Variants in LHX9 observed in about 807,000 individuals in gnomAD.
The protein encoded by LHX9 is LIM homeobox 9, also known as LIM/homeobox protein Lhx9.
Under a neutral mutation model 36.5 loss-of-function variants are expected in LHX9, and 9 were observed. The ratio of observed to expected loss-of-function variants is 0.25; its 90% CI spans 0.15 to 0.43. The LOEUF is 0.43. Among genes scored for constraint, LHX9 ranks in the 20% least tolerant of loss-of-function variants. The probability of loss-of-function intolerance (pLI) is 1.00; values close to 1 mark genes in which losing one functional copy is unlikely to be tolerated. For synonymous variants in LHX9, 211 were observed against 212.1 expected (o/e 0.99, Z 0.04); for missense variants, 464 against 526.4 (o/e 0.88, Z 1.16).
chr1:197,912,704 C>T, upstream of LHX9: 1 of 850,276 alleles, frequency 1.2e-6, no homozygotes, highest in Non-Finnish European at 2.0e-6. Flanking sequence ...AACCGCGCTT[C>T]GTAGGCTCAA....
At chr1:197,918,327 G>T in intron 1 of LHX9, 1 of 717,460 alleles carries the variant, frequency 1.4e-6, no homozygotes, top group Non-Finnish European at 2.6e-6. Context: ...CGTCTCCCCG[G>T]CGAGGATCCG....
At chr1:197,927,204 TGTGA>T (rs1660170914) in intron 3 of LHX9, among the ~76,000 whole-genome samples, 1 of 152,066 alleles carries the variant, frequency 6.6e-6, no homozygotes, top group Non-Finnish European at 1.5e-5. Flanking sequence ...CTTAAAACAC[TGTGA>T]GTGTGGGCAG....
In LHX9 at chr1:197,934,219, C is replaced by T. The variant is rs1052864322; in HGVS notation, c.*4960C>T. On this transcript the variant is annotated 3_prime_UTR_variant, in exon 5 of 5. Coordinates refer to ENST00000367387, the MANE Select transcript of LHX9 (RefSeq NM_020204.3). Reference sequence around the variant, plus strand: ...CAAAATCCCAGTGGAATCTACCACACATTCTTTTATAATAACCCTTTTTTG... The same window carrying T: ...CAAAATCCCAGTGGAATCTACCACATATTCTTTTATAATAACCCTTTTTTG... The T allele has an allele frequency of 6.6e-6, 1 of 151,802 alleles. No individual in the cohort carries two copies. The highest frequency in any genetic ancestry group is 2.4e-5 in the African/African-American group (1 of 41,416). 9.4% of individuals were successfully genotyped at this position (151,802 alleles called of 1,614,324 possible).
At chr1:197,915,906 T>C (rs902077403), upstream of LHX9, 63 of 152,328 alleles carry the variant, frequency 4.1e-4, no homozygotes, top group African/African-American at 1.5e-3. Flanking sequence ...TCTCCCGTCA[T>C]CTTTCTAGCT....
chr1:197,919,952 G>A lies in LHX9; in HGVS notation c.175-20G>A. On this transcript the variant is annotated intron_variant, in intron 1 of 4. Coordinates refer to ENST00000367387, the MANE Select transcript of LHX9 (RefSeq NM_020204.3). ...TACACCGCGCGCCCTCCTCAGCCTTGCGGTGTGCTTTCTTTGCAGGGCATG... is the reference window on the plus strand; with the variant it reads ...TACACCGCGCGCCCTCCTCAGCCTTACGGTGTGCTTTCTTTGCAGGGCATG... 6.2e-7 allele frequency: 1 copy of A among 1,612,874 alleles called. No homozygotes were observed. The highest frequency in any genetic ancestry group is 8.5e-7 in the Non-Finnish European group (1 of 1,179,626).
Position 197,932,097 on chromosome 1 carries a change from A to C in LHX9, c.*2838A>C. On this transcript the variant is annotated 3_prime_UTR_variant, in exon 5 of 5. Coordinates refer to ENST00000367387, the MANE Select transcript of LHX9 (RefSeq NM_020204.3). ...AAGCCAAAAAAAAAGAGAGAGAGAG[A>C]GACTTAAATGTCATTTACTGAATGT... 1 of 678,312 alleles carries C rather than the reference A, an allele frequency of 1.5e-6. No homozygotes were observed. The highest frequency in any genetic ancestry group is 2.3e-5 in the South Asian group (1 of 43,332). 42.0% of individuals were successfully genotyped at this position (678,312 alleles called of 1,614,324 possible).
Position 197,921,251 on chromosome 1 carries a change from A to C in LHX9, c.378-53A>C. 1 of 1,506,020 alleles carries C rather than the reference A, an allele frequency of 6.6e-7. No individual in the cohort carries two copies. Among genetic ancestry groups the C allele is most frequent in the Admixed American group, 1.7e-5 (1 of 57,208 alleles). 93.3% of individuals were successfully genotyped at this position (1,506,020 alleles called of 1,614,324 possible). ...ACCAAACCCAGGTGTCGCGGGTGGG[A>C]TATGGCTCTGCCTTGCTTCAACTAG... On this transcript the variant is annotated intron_variant, in intron 2 of 4. Coordinates refer to ENST00000367387, the MANE Select transcript of LHX9 (RefSeq NM_020204.3). This position sits in a 1 kb window ranked among gnomAD's most constrained non-coding sequence, Gnocchi z 4.6.
At chr1:197,912,901 G>A (rs892856101), upstream of LHX9, 2 of 362,816 alleles carry the variant, frequency 5.5e-6, no homozygotes, top group African/African-American at 4.3e-5. Flanking sequence ...GGGAGCTGCT[G>A]GGGGTGTCTC....
chr1:197,931,143 ATT>A lies in LHX9; in HGVS notation c.*1885_*1886del, dbSNP rs1343932099. On this transcript the variant is annotated 3_prime_UTR_variant, in exon 5 of 5. Transcript: ENST00000367387. ...TCAGGATATATGTGTTGTTTGTTAA[ATT>A]AACTGTTTTAAGCCCTTTTAACACC... 6.6e-6 allele frequency: 1 copy of A among 151,992 alleles called. No homozygotes were observed. Among genetic ancestry groups the A allele is most frequent in the African/African-American group, 2.4e-5 (1 of 41,446 alleles). The allele number at this position is 151,992 out of a possible 1,614,324, so 9.4% of individuals were successfully genotyped here.
At position 197,930,224 on chromosome 1, in the gene LHX9, C is replaced by G. The variant is rs1405288691; in HGVS notation, c.*965C>G. The G allele has an allele frequency of 1.7e-5, 4 of 240,678 alleles. No homozygotes were observed. The highest frequency in any genetic ancestry group is 2.3e-5 in the African/African-American group (1 of 42,932). The allele number at this position is 240,678 out of a possible 1,614,324, so 14.9% of individuals were successfully genotyped here. On this transcript the variant is annotated 3_prime_UTR_variant, in exon 5 of 5. Coordinates refer to ENST00000367387, the MANE Select transcript of LHX9 (RefSeq NM_020204.3). ...TCTATATGAATAATGTTTAAAATAC[C>G]CAGCCTGGTAGACTTATACCAACAA...
At position 197,934,966 on chromosome 1, in the gene LHX9, T is replaced by A. The variant is rs543595011; in HGVS notation, c.*5707T>A. The A allele has an allele frequency of 1.3e-5, 2 of 152,274 alleles. No individual in the cohort carries two copies. Among genetic ancestry groups the A allele is most frequent in the Non-Finnish European group, 2.9e-5 (2 of 68,010 alleles). 9.4% of individuals were successfully genotyped at this position (152,274 alleles called of 1,614,324 possible). On this transcript the variant is annotated 3_prime_UTR_variant, in exon 5 of 5. Transcript: ENST00000367387. ...TTCCGTTTTATTTTATGAGGTTCCC[T>A]GGCAGTTGGGGGGGTGGTGAGGTTG...
chr1:197,927,481 C>A, intron 3 of LHX9, 110 bp from the exon 4 acceptor site: 1 of 915,820 alleles, frequency 1.1e-6, no homozygotes, highest in Non-Finnish European at 1.8e-6. Context: ...GGGTTGACAA[C>A]CTTTTTCACT....
At position 197,927,580 on chromosome 1, in the gene LHX9, T is replaced by G. The variant is rs750446189; in HGVS notation, c.734-11T>G. 6.2e-7 allele frequency: 1 copy of G among 1,612,948 alleles called. No individual in the cohort carries two copies. Among genetic ancestry groups the G allele is most frequent in the Non-Finnish European group, 8.5e-7 (1 of 1,179,018 alleles). ...CACTGAGCAGTTGTTTGTTCACTGTTACTGCAACAGGTTGTAATGAGAATG... is the reference window on the plus strand; with the variant it reads ...CACTGAGCAGTTGTTTGTTCACTGTGACTGCAACAGGTTGTAATGAGAATG... On this transcript the variant is annotated splice_polypyrimidine_tract_variant and intron_variant, in intron 3 of 4. Coordinates refer to ENST00000367387, the MANE Select transcript of LHX9 (RefSeq NM_020204.3).
intron 2 of LHX9, 23 bp downstream of exon 2, chr1:197,920,197 C>T (rs1266898778): frequency 1.2e-6 from 2 of 1,610,390 alleles, no homozygotes; most frequent in Non-Finnish European, 8.5e-7. Context: ...ACCCCCACTT[C>T]CTACGCCCGA....
At position 197,929,582 on chromosome 1, in the gene LHX9, C is replaced by A. The variant is rs1315655428; in HGVS notation, c.*323C>A. 1.1e-6 allele frequency: 1 copy of A among 938,686 alleles called. No homozygotes were observed. The highest frequency in any genetic ancestry group is 1.1e-4 in the East Asian group (1 of 8,936). 58.1% of individuals were successfully genotyped at this position (938,686 alleles called of 1,614,324 possible). On this transcript the variant is annotated 3_prime_UTR_variant, in exon 5 of 5. Transcript: ENST00000367387. ...ATTGTATGTTACTTATTTCCAGAAT[C>A]TCGAAGAAAAAAGAAAAAAGAGTGG... is the stretch of plus-strand genomic sequence containing the variant.
At chr1:197,917,230 G>T (rs1426616993), upstream of LHX9, 2 of 1,195,536 alleles carry the variant, frequency 1.7e-6, no homozygotes, top group Non-Finnish European at 2.1e-6. Context: ...CCCATCACCA[G>T]GGGGTTGAGA....
chr1:197,922,527 C>T (rs1237099197), intron 3 of LHX9, among the ~76,000 whole-genome samples: 1 of 152,208 alleles, frequency 6.6e-6, no homozygotes, highest in Non-Finnish European at 1.5e-5. Context: ...ACTCCCCATC[C>T]TCCAGGTGAG....
Position 197,929,342 on chromosome 1 carries a change from G to T in LHX9, c.*83G>T, listed in dbSNP as rs1434273188. 4 of 1,189,086 alleles carry T rather than the reference G, an allele frequency of 3.4e-6. No homozygotes were observed. Among genetic ancestry groups the T allele is most frequent in the East Asian group, 3.4e-5 (1 of 29,706 alleles). The allele number at this position is 1,189,086 out of a possible 1,614,324, so 73.7% of individuals were successfully genotyped here. A position where few individuals can be genotyped will look rare whatever the true frequency, so the allele number is the denominator to read the frequency against. On this transcript the variant is annotated 3_prime_UTR_variant, in exon 5 of 5. Transcript: ENST00000367387. ...ATTATTATTATTTTATTATTTACAA[G>T]ACTTTTTTTTTCTTCTAACCCACAA...
In LHX9 at chr1:197,917,553, C is replaced by T; in HGVS notation, c.-271C>T. On this transcript the variant is annotated 5_prime_UTR_variant, in exon 1 of 5. Coordinates refer to ENST00000367387, the MANE Select transcript of LHX9 (RefSeq NM_020204.3). ...CGATCTCTCAGAGCAGTAAGATTCG[C>T]CTTCTACGCCTCTTTTTCCCTCCGC... 6.8e-7 allele frequency: 1 copy of T among 1,470,428 alleles called. No homozygotes were observed. Among genetic ancestry groups the T allele is most frequent in the Non-Finnish European group, 9.1e-7 (1 of 1,097,770 alleles). 91.1% of individuals were successfully genotyped at this position (1,470,428 alleles called of 1,614,324 possible).
Sources: allele counts gnomAD v4.1 joint callset (sites outside exome capture counted in the v4.1 genomes callset), GRCh38; gene constraint gnomAD v4.1.1; non-coding constraint Gnocchi (gnomAD v3.1); transcripts MANE v1.5; gene names NCBI Gene and HGNC (gene_info 2026-07-23, HGNC 2026-07-21).